The following PARP15 variants were observed in gnomAD, a reference collection of about 807,000 sequenced individuals.
PARP15 encodes the protein protein mono-ADP-ribosyltransferase PARP15.
A neutral mutation model predicts 62.1 loss-of-function variants in PARP15; 50 were observed. That is an observed-to-expected ratio of 0.81 (90% CI 0.64 to 1.02). The LOEUF is 1.02. PARP15 is among the 50% of genes least tolerant of loss of function. The pLI is 0.00. For missense variants in PARP15, 820 were observed against 826.5 expected, an observed-to-expected ratio of 0.99 and a Z score of 0.10; for synonymous variants, 309 against 293.1, an observed-to-expected ratio of 1.05 and a Z score of -0.55.
At chr3:122,618,129 T>C (rs1319246670) in intron 6 of PARP15, among the ~76,000 whole-genome samples, 3 of 152,192 alleles carry the variant, frequency 2.0e-5, no homozygotes, top group African/African-American at 7.2e-5. Flanking sequence ...TTGAAAAATA[T>C]TATGGAACTT....
rs181105894 is a variant in PARP15, at chr3:122,617,549, C to G, written c.1000+385C>G. Among the ~76,000 whole-genome samples the G allele has an allele frequency of 7.9e-5, 12 of 152,294 alleles. No individual in the cohort carries two copies. The East Asian group carries it at 2.3e-3, about 29-fold the overall frequency. ...TTTACTTTCCTGTTTATGTAACCTA[C>G]TTGGCATTTAGAACTCACCTTCGGT... On this transcript the variant is annotated intron_variant, in intron 6 of 11. Transcript: ENST00000464300.
At chr3:122,605,774 G>T (rs148390393) in intron 1 of PARP15, among the ~76,000 whole-genome samples, 162 bp from the exon 2 acceptor site, 2,404 of 152,090 alleles carry the variant, frequency 0.016, 65 homozygotes, top group African/African-American at 0.053. Context: ...TAGAGACAGG[G>T]TCTCAATATG....
chr3:122,579,785 C>T (rs2080759989), intron 1 of PARP15, among the ~76,000 whole-genome samples: 1 of 151,808 alleles, frequency 6.6e-6, no homozygotes, highest in East Asian at 1.9e-4. Flanking sequence ...TCAAGATCAG[C>T]CTGGCGAACA....
intron 2 of PARP15, among the ~76,000 whole-genome samples, chr3:122,609,584 G>A (rs1046510556): frequency 2.6e-5 from 4 of 151,834 alleles, no homozygotes; most frequent in Admixed American, 6.6e-5. Context: ...TGTAATCCCC[G>A]CTACTCAGGA....
chr3:122,620,690 G>T (rs773761330), intron 7 of PARP15, among the ~76,000 whole-genome samples: 2 of 150,276 alleles, frequency 1.3e-5, no homozygotes, highest in African/African-American at 2.4e-5. Context: ...ATGAAGGTGG[G>T]CTGGACAAGC....
At chr3:122,604,748 C>T (rs1047390921) in intron 1 of PARP15, among the ~76,000 whole-genome samples, 4 of 152,094 alleles carry the variant, frequency 2.6e-5, no homozygotes, top group Non-Finnish European at 5.9e-5. Context: ...GTAATCCCAG[C>T]TACTCAGGAG....
At chr3:122,613,352 T>A in intron 4 of PARP15, 84 bp downstream of exon 4, 1 of 1,205,558 alleles carries the variant, frequency 8.3e-7, no homozygotes, top group Non-Finnish European at 1.2e-6. Flanking sequence ...GGAATAACCG[T>A]GTTTTCTAAT....
chr3:122,591,356 G>A (rs4677964), intron 1 of PARP15, among the ~76,000 whole-genome samples: 109,247 of 152,174 alleles, frequency 0.72, 39,309 homozygotes, highest in Non-Finnish European at 0.75. Flanking sequence ...TATCCAAGAC[G>A]TCATGACTGA....
At chr3:122,609,685 G>A (rs139417720) in intron 2 of PARP15, among the ~76,000 whole-genome samples, 2,375 of 144,792 alleles carry the variant, frequency 0.016, 63 homozygotes, top group African/African-American at 0.057. Flanking sequence ...GGAACAGATC[G>A]AAATCGTGTT....
At chr3:122,585,578 GTTGCACAC>G (rs1360191882) in intron 1 of PARP15, among the ~76,000 whole-genome samples, 1 of 152,160 alleles carries the variant, frequency 6.6e-6, no homozygotes, top group Non-Finnish European at 1.5e-5. Context: ...TCTGCCCGTG[GTTGCACAC>G]TTGGGTGTTC....
At chr3:122,625,788 C>T (rs1024416559) in intron 8 of PARP15, among the ~76,000 whole-genome samples, 1 of 152,206 alleles carries the variant, frequency 6.6e-6, no homozygotes, top group Non-Finnish European at 1.5e-5. Flanking sequence ...ACTTCAGCCC[C>T]CCGTCCATGG....
At chr3:122,589,115 T>C (rs1022531834) in intron 1 of PARP15, among the ~76,000 whole-genome samples, 2 of 152,310 alleles carry the variant, frequency 1.3e-5, no homozygotes, top group Non-Finnish European at 2.9e-5. Flanking sequence ...TTTTTTCTCA[T>C]AGTCTGGAGG....
intron 9 of PARP15, among the ~76,000 whole-genome samples, chr3:122,629,886 G>A (rs1288084988): frequency 6.6e-6 from 1 of 152,172 alleles, no homozygotes; most frequent in African/African-American, 2.4e-5. Context: ...CCACTGATCT[G>A]ACAGAAGACA....
intron 1 of PARP15, among the ~76,000 whole-genome samples, chr3:122,605,141 C>T (rs1483556974): frequency 6.6e-6 from 1 of 152,174 alleles, no homozygotes; most frequent in Non-Finnish European, 1.5e-5. Context: ...GTGAATCTCT[C>T]TGGGAGGCAA....
chr3:122,610,993 T>C (rs1935526261), intron 3 of PARP15, among the ~76,000 whole-genome samples: 1 of 152,222 alleles, frequency 6.6e-6, no homozygotes, highest in Non-Finnish European at 1.5e-5. Context: ...TCTATTGAAA[T>C]CTTTATTACA....
chr3:122,617,178 G>A lies in PARP15; in HGVS notation c.1000+14G>A. 6.2e-7 allele frequency: 1 copy of A among 1,604,276 alleles called. No individual in the cohort carries two copies. The highest frequency in any genetic ancestry group is 8.5e-7 in the Non-Finnish European group (1 of 1,172,494). On this transcript the variant is annotated intron_variant, in intron 6 of 11. Transcript: ENST00000464300. The stretch of plus-strand genomic sequence containing the variant: ...ATCGGAAATCAGGTACTTTATTTAA[G>A]CAATATATTGTAATTATTAGTATGA...
chr3:122,616,057 G>A (rs926421499), intron 5 of PARP15, among the ~76,000 whole-genome samples, 200 bp downstream of exon 5: 1 of 152,236 alleles, frequency 6.6e-6, no homozygotes, highest in Non-Finnish European at 1.5e-5. Context: ...TAATGGTAAT[G>A]AAACCAGAGT....
chr3:122,596,069 A>T (rs999832987), intron 1 of PARP15, among the ~76,000 whole-genome samples: 9 of 152,084 alleles, frequency 5.9e-5, no homozygotes, highest in African/African-American at 2.2e-4. Flanking sequence ...AAGAATATGC[A>T]TAAACATGGC....
chr3:122,623,878 T>A (rs1370798003), intron 8 of PARP15, among the ~76,000 whole-genome samples: 3 of 152,208 alleles, frequency 2.0e-5, no homozygotes, highest in Non-Finnish European at 4.4e-5. Flanking sequence ...GCTCAGGGGC[T>A]CACGCCTGTA....
Sources: allele counts gnomAD v4.1 joint callset (sites outside exome capture counted in the v4.1 genomes callset), GRCh38; gene constraint gnomAD v4.1.1; transcripts MANE v1.5; gene names NCBI Gene and HGNC (gene_info 2026-07-23, HGNC 2026-07-21).